Variants in SLCO3A1 observed in about 807,000 individuals in gnomAD.
SLCO3A1 encodes the protein solute carrier organic anion transporter family member 3A1.
Under a neutral mutation model 63.1 loss-of-function variants are expected in SLCO3A1, and 27 were observed. The observed-to-expected ratio is 0.43, with a 90% CI of 0.32 to 0.59. The LOEUF (loss-of-function observed/expected upper bound fraction) is 0.59. Ranked by LOEUF, SLCO3A1 falls within the 20% of genes least tolerant of loss-of-function variation. The probability of loss-of-function intolerance (pLI) is 0.09; values close to 1 mark genes in which losing one functional copy is unlikely to be tolerated. For synonymous variants in SLCO3A1, 473 were observed against 409.9 expected, an observed-to-expected ratio of 1.15 and a Z score of -1.86; for missense variants, 773 against 945.8, an observed-to-expected ratio of 0.82 and a Z score of 2.40.
rs117776859 is a variant in SLCO3A1 at position 91,979,828 on chromosome 15, A to C, written c.646+63370A>C. 7.3e-3 allele frequency among the ~76,000 whole-genome samples: 1,119 copies of C among 152,300 alleles called. 7 individuals carry two copies. The highest frequency in any genetic ancestry group is 0.013 in the South Asian group (64 of 4,830). On this transcript the variant is annotated intron_variant, in intron 2 of 9. Transcript: ENST00000318445. ...TACTAATTAAATGGTAGCATCTATT[A>C]TTGTCATCAGTGTTATTAGTAATTT... is the stretch of plus-strand genomic sequence containing the variant.
chr15:91,998,213 G>C (rs541575838), intron 2 of SLCO3A1, among the ~76,000 whole-genome samples: 49 of 152,298 alleles, frequency 3.2e-4, no homozygotes, highest in Admixed American at 7.2e-4. Context: ...CAGCACTTTG[G>C]GAGGCCAAGG....
At chr15:91,919,188 C>G (rs546891369) in intron 2 of SLCO3A1, among the ~76,000 whole-genome samples, 45 of 152,336 alleles carry the variant, frequency 3.0e-4, no homozygotes, top group Non-Finnish European at 5.0e-4. Context: ...CCACTACAAC[C>G]CAGGGCAAAG....
chr15:92,106,633 T>G (rs1419216437), intron 4 of SLCO3A1, among the ~76,000 whole-genome samples: 1 of 152,190 alleles, frequency 6.6e-6, no homozygotes. Flanking sequence ...AGTAATCACT[T>G]GTCTTTCATC....
chr15:91,887,237 A>G lies in SLCO3A1; in HGVS notation c.181-28756A>G, dbSNP rs147766297. On this transcript the variant is annotated intron_variant, in intron 1 of 9. Coordinates refer to ENST00000318445, the MANE Select transcript of SLCO3A1 (RefSeq NM_013272.4). ...TCAATGCTTTCCTTTTCTCTTTAGA[A>G]TATTGTCATCCCTTTTACCCCTTCC... Among the ~76,000 whole-genome samples, 185 of 152,254 alleles carry G rather than the reference A, an allele frequency of 1.2e-3. 1 individual carries two copies. The highest frequency in any genetic ancestry group is 4.1e-3 in the African/African-American group (172 of 41,540).
intron 3 of SLCO3A1, among the ~76,000 whole-genome samples, chr15:92,103,175 A>G (rs1036146728): frequency 6.6e-6 from 1 of 152,112 alleles, no homozygotes; most frequent in Non-Finnish European, 1.5e-5. Context: ...CTGTCCATCC[A>G]TCTGGTCCAG....
At chr15:92,071,184 C>T (rs1404048103) in intron 2 of SLCO3A1, among the ~76,000 whole-genome samples, 1 of 152,142 alleles carries the variant, frequency 6.6e-6, no homozygotes, top group Non-Finnish European at 1.5e-5. Context: ...TGGAAATACC[C>T]TCCTGGGGGC....
chr15:92,104,565 C>A, intron 4 of SLCO3A1, 23 bp downstream of exon 4: 1 of 1,605,950 alleles, frequency 6.2e-7, no homozygotes, highest in Non-Finnish European at 8.5e-7. Context: ...TCATCTGCCT[C>A]TGCTCAGAAC....
chr15:92,022,185 G>A (rs899291995), intron 2 of SLCO3A1, among the ~76,000 whole-genome samples: 1 of 152,208 alleles, frequency 6.6e-6, no homozygotes, highest in East Asian at 1.9e-4. Context: ...TTTTAGCAGA[G>A]GAAGTTGGAT....
In SLCO3A1 at chr15:91,862,746, C is replaced by T. The variant is rs983159799; in HGVS notation, c.180+8658C>T. On this transcript the variant is annotated intron_variant, in intron 1 of 9. Transcript: ENST00000318445. The surrounding 1 kb of genome is among the most constrained non-coding windows in gnomAD (Gnocchi z 4.0). ...AACTAAATCCCTGCTCACAAAACTA[C>T]AGGAATTTGAGGGAGTTAGAAGTGA... is the stretch of plus-strand genomic sequence containing the variant. Among the ~76,000 whole-genome samples the T allele has an allele frequency of 7.2e-5, 11 of 152,198 alleles. No homozygotes were observed. The highest frequency in any genetic ancestry group is 1.3e-4 in the Non-Finnish European group (9 of 68,038).
At chr15:91,915,450 A>C (rs1898622077) in intron 1 of SLCO3A1, among the ~76,000 whole-genome samples, 1 of 152,198 alleles carries the variant, frequency 6.6e-6, no homozygotes, top group Non-Finnish European at 1.5e-5. Flanking sequence ...AGCAAAGAGC[A>C]AATGATTACC....
At position 91,968,503 on chromosome 15, in the gene SLCO3A1, C is replaced by T. The variant is rs548439821; in HGVS notation, c.646+52045C>T. ...GCCTCTAATTTATCATGTCTTCTCA[C>T]TAGGTGAGGTGAATAGGGCTCCACA... On this transcript the variant is annotated intron_variant, in intron 2 of 9. Transcript: ENST00000318445. This position sits in a 1 kb window ranked among gnomAD's most constrained non-coding sequence, Gnocchi z 4.2. Among the ~76,000 whole-genome samples the T allele has an allele frequency of 8.5e-5, 13 of 152,172 alleles. No homozygotes were observed. The highest frequency in any genetic ancestry group is 3.1e-4 in the African/African-American group (13 of 41,516).
At position 92,001,245 on chromosome 15, in the gene SLCO3A1, C is replaced by T. The variant is rs192427176; in HGVS notation, c.646+84787C>T. ...GAGGGGGCGAACAAAAGAAAACATG[C>T]TGTATTTGCATTGTTTCTACAGATC... is the stretch of plus-strand genomic sequence containing the variant. On this transcript the variant is annotated intron_variant, in intron 2 of 9. Transcript: ENST00000318445. Among the ~76,000 whole-genome samples the T allele has an allele frequency of 3.9e-5, 6 of 152,176 alleles. 1 individual carries two copies. The highest frequency in any genetic ancestry group is 1.9e-4 in the East Asian group (1 of 5,168).
At chr15:92,081,555 T>G (rs937027593) in intron 2 of SLCO3A1, among the ~76,000 whole-genome samples, 5 of 152,038 alleles carry the variant, frequency 3.3e-5, no homozygotes, top group African/African-American at 1.2e-4. Context: ...TTAGTAGAGA[T>G]AAGGTTTTCA....
chr15:92,022,329 C>T (rs752782010), intron 2 of SLCO3A1, among the ~76,000 whole-genome samples: 3 of 152,160 alleles, frequency 2.0e-5, no homozygotes, highest in Admixed American at 1.3e-4. Context: ...AACACCTGTG[C>T]GTGTGAACAT....
intron 2 of SLCO3A1, among the ~76,000 whole-genome samples, chr15:91,998,636 A>G (rs930819195): frequency 2.0e-5 from 3 of 152,176 alleles, no homozygotes; most frequent in Non-Finnish European, 4.4e-5. Flanking sequence ...AAGTCAAAAA[A>G]CAGCAGACGC....
At chr15:91,964,403 C>G (rs141447203) in intron 2 of SLCO3A1, among the ~76,000 whole-genome samples, 1 of 151,980 alleles carries the variant, frequency 6.6e-6, no homozygotes, top group Non-Finnish European at 1.5e-5. Context: ...ACAGCTACTG[C>G]AAGAAGCAAA....
At chr15:91,926,609 G>GTGCGCGCGCA (rs1567189475) in intron 2 of SLCO3A1, among the ~76,000 whole-genome samples, 6 of 150,032 alleles carry the variant, frequency 4.0e-5, no homozygotes, top group Admixed American at 1.3e-4. Flanking sequence ...GCGCGCGCAC[G>GTGCGCGCGCA]CCCATGCTTA....
At chr15:92,034,351 G>A (rs2046696196) in intron 2 of SLCO3A1, among the ~76,000 whole-genome samples, 1 of 98,514 alleles carries the variant, frequency 1.0e-5, no homozygotes, top group Admixed American at 8.7e-5. Context: ...AGAGCAGGCT[G>A]GGGTGGGGTG....
intron 1 of SLCO3A1, among the ~76,000 whole-genome samples, chr15:91,857,721 T>C (rs1245426728): frequency 6.6e-6 from 1 of 152,174 alleles, no homozygotes; most frequent in Non-Finnish European, 1.5e-5. Context: ...GCCCTGCATA[T>C]AGAGGTTTCT....
Sources: gnomAD v4.1 joint callset for allele counts (sites outside exome capture counted in the v4.1 genomes callset) on GRCh38, gnomAD v4.1.1 for gene constraint, Gnocchi (gnomAD v3.1) non-coding constraint, MANE v1.5 for transcripts, NCBI Gene and HGNC (gene_info 2026-07-23, HGNC 2026-07-21) for gene names.